The following PABPC4L variants were observed in gnomAD, a reference collection of about 807,000 sequenced individuals.
The protein encoded by PABPC4L is polyadenylate-binding protein 4-like.
For synonymous variants in PABPC4L, 169 were observed against 164.1 expected (o/e 1.03, Z -0.23); for missense variants, 452 against 451.4 (o/e 1.00, Z -0.01).
chr4:134,183,087 C>T, the PABPC4L span, among the ~76,000 whole-genome samples: 16 of 151,932 alleles, frequency 1.1e-4, no homozygotes, highest in African/African-American at 3.9e-4. Flanking sequence ...CCATTCAACC[C>T]AGCAATCCCA....
the PABPC4L span, among the ~76,000 whole-genome samples, chr4:134,005,562 T>TA: frequency 6.6e-6 from 1 of 151,812 alleles, no homozygotes; most frequent in African/African-American, 2.4e-5. Flanking sequence ...ATGGCATAGT[T>TA]ATGTTGCTTA....
the PABPC4L span, among the ~76,000 whole-genome samples, chr4:133,974,113 T>G: frequency 1.3e-5 from 2 of 152,148 alleles, no homozygotes; most frequent in Admixed American, 1.3e-4. Flanking sequence ...CAAAAGTTGC[T>G]ACAAATTGCA....
the PABPC4L span, among the ~76,000 whole-genome samples, chr4:134,050,969 C>T: frequency 5.3e-5 from 8 of 149,856 alleles, no homozygotes; most frequent in African/African-American, 1.5e-4. Flanking sequence ...TAATGTTACA[C>T]ATTATATTTT....
the PABPC4L span, among the ~76,000 whole-genome samples, chr4:133,987,115 G>T: frequency 6.6e-6 from 1 of 152,096 alleles, no homozygotes; most frequent in African/African-American, 2.4e-5. Context: ...AATTTCAAAG[G>T]TTAGTTTTGT....
At chr4:134,029,802 G>C in the PABPC4L span, among the ~76,000 whole-genome samples, 127 of 151,644 alleles carry the variant, frequency 8.4e-4, no homozygotes, top group Admixed American at 9.9e-4. Context: ...AGGTGATATG[G>C]CTGTGTTCCC....
chr4:134,169,982 A>G, the PABPC4L span, among the ~76,000 whole-genome samples: 9 of 152,288 alleles, frequency 5.9e-5, no homozygotes, highest in South Asian at 1.9e-3. Context: ...CTAAGGTAAT[A>G]AGCACAGTAA....
chr4:134,077,068 G>T, the PABPC4L span, among the ~76,000 whole-genome samples: 2 of 152,086 alleles, frequency 1.3e-5, no homozygotes, highest in African/African-American at 2.4e-5. Flanking sequence ...TCCTTGGGAA[G>T]GTTTGACATA....
chr4:134,112,957 T>C, the PABPC4L span, among the ~76,000 whole-genome samples: 2 of 151,914 alleles, frequency 1.3e-5, no homozygotes, highest in African/African-American at 2.4e-5. Flanking sequence ...GTGATATTGA[T>C]GAACCTGACT....
the PABPC4L span, among the ~76,000 whole-genome samples, chr4:133,953,102 A>G: frequency 1.3e-5 from 2 of 152,078 alleles, no homozygotes; most frequent in African/African-American, 4.8e-5. Flanking sequence ...CCTATTCTCC[A>G]TCAAAATTCA....
At chr4:134,090,452 T>A in the PABPC4L span, among the ~76,000 whole-genome samples, 1 of 152,168 alleles carries the variant, frequency 6.6e-6, no homozygotes, top group East Asian at 1.9e-4. Context: ...CTAACCAAAG[T>A]CTCAGCACTA....
chr4:134,072,418 G>T, the PABPC4L span, among the ~76,000 whole-genome samples: 2 of 152,116 alleles, frequency 1.3e-5, no homozygotes, highest in African/African-American at 2.4e-5. Context: ...CATTTTATAA[G>T]TTCCTTTAGG....
At chr4:133,955,611 A>G in the PABPC4L span, among the ~76,000 whole-genome samples, 1 of 152,192 alleles carries the variant, frequency 6.6e-6, no homozygotes, top group Admixed American at 6.6e-5. Flanking sequence ...TTCATGTAAC[A>G]TGACAGAGAA....
the PABPC4L span, among the ~76,000 whole-genome samples, chr4:134,094,019 A>AT: frequency 6.6e-6 from 1 of 151,900 alleles, no homozygotes; most frequent in Non-Finnish European, 1.5e-5. Context: ...TCAATCAGCC[A>AT]TGATGCATGC....
the PABPC4L span, among the ~76,000 whole-genome samples, chr4:133,969,523 C>A: frequency 6.6e-6 from 1 of 152,048 alleles, no homozygotes; most frequent in Non-Finnish European, 1.5e-5. Context: ...TTACATTATT[C>A]CATAAAAACA....
At position 134,197,700 on chromosome 4, in the gene PABPC4L, C is replaced by T. The variant is rs1254019974; in HGVS notation, c.*2207G>A. Reference sequence around the variant, plus strand: ...CAAATGGTCAGTGAGTACACAAATACTGTTTAACTTTTGTAATTTACAAAA... The same window carrying T: ...CAAATGGTCAGTGAGTACACAAATATTGTTTAACTTTTGTAATTTACAAAA... On this transcript the variant is annotated 3_prime_UTR_variant, in exon 2 of 2. Coordinates refer to ENST00000421491, the MANE Select transcript of PABPC4L (RefSeq NM_001114734.2). The T allele has an allele frequency of 6.6e-6, 1 of 151,584 alleles. No individual in the cohort carries two copies. The highest frequency in any genetic ancestry group is 1.5e-5 in the Non-Finnish European group (1 of 67,642). The allele number at this position is 151,584 out of a possible 1,614,324, so 9.4% of individuals were successfully genotyped here. A position where few individuals can be genotyped will look rare whatever the true frequency, so the allele number is the denominator to read the frequency against.
At chr4:133,982,415 C>A in the PABPC4L span, among the ~76,000 whole-genome samples, 1 of 151,804 alleles carries the variant, frequency 6.6e-6, no homozygotes, top group African/African-American at 2.4e-5. Context: ...TTCAGTAGTC[C>A]AGGACAGATT....
At chr4:133,953,088 T>A in the PABPC4L span, among the ~76,000 whole-genome samples, 13 of 152,148 alleles carry the variant, frequency 8.5e-5, no homozygotes, top group Admixed American at 2.6e-4. Flanking sequence ...GAACCACTGA[T>A]ACCCCTATTC....
the PABPC4L span, among the ~76,000 whole-genome samples, chr4:134,053,528 C>T: frequency 6.6e-6 from 1 of 152,016 alleles, no homozygotes; most frequent in African/African-American, 2.4e-5. Context: ...TTCAGCCTAC[C>T]ACCTAAATAT....
At chr4:134,111,629 G>A in the PABPC4L span, among the ~76,000 whole-genome samples, 1 of 151,890 alleles carries the variant, frequency 6.6e-6, no homozygotes, top group East Asian at 1.9e-4. Context: ...TCCAGGGGGA[G>A]GTAACTGAAT....
Sources: gnomAD v4.1 joint callset for allele counts (sites outside exome capture counted in the v4.1 genomes callset) on GRCh38, gnomAD v4.1.1 for gene constraint, MANE v1.5 for transcripts, NCBI Gene and HGNC (gene_info 2026-07-23, HGNC 2026-07-21) for gene names.